SGCD: variants seen among roughly 807,000 people sequenced by gnomAD.
The protein encoded by SGCD is delta-sarcoglycan.
A neutral mutation model predicts 36.6 loss-of-function variants in SGCD; 18 were observed. The observed-to-expected ratio is 0.49, with a 90% CI of 0.34 to 0.73. The LOEUF is 0.73. SGCD is among the 30% of genes least tolerant of loss of function. SGCD has a pLI of 0.01. For synonymous variants in SGCD, 133 were observed against 130.6 expected, an observed-to-expected ratio of 1.02 and a Z score of -0.12; for missense variants, 387 against 346.7, an observed-to-expected ratio of 1.12 and a Z score of -0.92.
intron 3 of SGCD, among the ~76,000 whole-genome samples, chr5:156,480,294 T>G (rs1173852114): frequency 6.6e-6 from 1 of 152,248 alleles, no homozygotes. Context: ...TCCATTCATC[T>G]GAAGTTCCCT....
intron 3 of SGCD, among the ~76,000 whole-genome samples, chr5:156,449,677 C>CAAAAAAAAAAAAAAAAAAAA (rs397883573): frequency 2.2e-5 from 1 of 46,056 alleles, no homozygotes; most frequent in Non-Finnish European, 3.9e-5. Flanking sequence ...ACTAAAAATA[C>CAAAAAAAAAAAAAAAAAAAA]AAAAAAAAAA....
chr5:156,334,301 T>C (rs1317634105), intron 2 of SGCD, among the ~76,000 whole-genome samples: 1 of 152,206 alleles, frequency 6.6e-6, no homozygotes, highest in South Asian at 2.1e-4. Flanking sequence ...AAGCTAACCA[T>C]AGAAGTGGCC....
At chr5:155,864,764 G>A in the SGCD span, among the ~76,000 whole-genome samples, 4 of 152,250 alleles carry the variant, frequency 2.6e-5, no homozygotes, top group South Asian at 2.1e-4. Flanking sequence ...GCATGTGTGC[G>A]TACACATTCT....
intron 1 of SGCD, among the ~76,000 whole-genome samples, chr5:155,901,011 G>C (rs1561643694): frequency 6.6e-6 from 1 of 151,998 alleles, no homozygotes; most frequent in Non-Finnish European, 1.5e-5. Flanking sequence ...TTCAAAAGTT[G>C]ATGTAAGATT....
At chr5:156,412,925 A>G (rs991125469) in intron 3 of SGCD, among the ~76,000 whole-genome samples, 3 of 151,410 alleles carry the variant, frequency 2.0e-5, no homozygotes, top group African/African-American at 4.9e-5. Context: ...CCTCCTGAGT[A>G]GCTGGGACTA....
chr5:156,531,166 T>G (rs141280012), intron 4 of SGCD, among the ~76,000 whole-genome samples: 338 of 152,282 alleles, frequency 2.2e-3, no homozygotes, highest in African/African-American at 8.0e-3. Flanking sequence ...TGTCTCCTCT[T>G]CTGCCATGTG....
intron 4 of SGCD, among the ~76,000 whole-genome samples, chr5:156,541,257 C>T (rs1273310532): frequency 6.6e-6 from 1 of 152,100 alleles, no homozygotes; most frequent in Non-Finnish European, 1.5e-5. Flanking sequence ...GGGTTTTGCC[C>T]TAAGTCAGCT....
At chr5:155,949,771 A>G (rs1054279785) in intron 1 of SGCD, among the ~76,000 whole-genome samples, 2 of 152,142 alleles carry the variant, frequency 1.3e-5, no homozygotes, top group African/African-American at 4.8e-5. Flanking sequence ...AGTAGTTGTG[A>G]CAGAAATCAC....
intron 1 of SGCD, among the ~76,000 whole-genome samples, chr5:155,926,045 G>C (rs186127588): frequency 2.7e-3 from 412 of 152,140 alleles, no homozygotes; most frequent in African/African-American, 6.7e-3. Flanking sequence ...TTATAAAAGC[G>C]AGCCACTGTG....
At chr5:156,160,475 A>G (rs969702673) in intron 3 of SGCD, among the ~76,000 whole-genome samples, 1 of 151,698 alleles carries the variant, frequency 6.6e-6, no homozygotes, top group African/African-American at 2.4e-5. Context: ...AGATGCGTCC[A>G]GAATCATATA....
intron 4 of SGCD, among the ~76,000 whole-genome samples, chr5:156,573,807 A>T (rs1436229746): frequency 6.6e-6 from 1 of 151,664 alleles, no homozygotes; most frequent in African/African-American, 2.4e-5. Flanking sequence ...GATCCTCTCA[A>T]CTCTGCCTCC....
chr5:156,373,148 C>T (rs17053497), intron 3 of SGCD, among the ~76,000 whole-genome samples: 5,208 of 152,156 alleles, frequency 0.034, 233 homozygotes, highest in African/African-American at 0.097. Flanking sequence ...CATTTGTGCT[C>T]GTGTTAGCAT....
chr5:156,608,509 A>G (rs559651199), intron 6 of SGCD, among the ~76,000 whole-genome samples: 7 of 152,334 alleles, frequency 4.6e-5, no homozygotes, highest in African/African-American at 1.7e-4. Context: ...TCTGAGAAGA[A>G]TGTATATTCT....
intron 4 of SGCD, among the ~76,000 whole-genome samples, chr5:156,514,899 G>A (rs2127885591): frequency 6.6e-6 from 1 of 152,238 alleles, no homozygotes; most frequent in Non-Finnish European, 1.5e-5. Flanking sequence ...TACAGAACTT[G>A]ACATAAAGTG....
chr5:156,495,797 T>G (rs1756159121), intron 3 of SGCD, among the ~76,000 whole-genome samples: 1 of 152,220 alleles, frequency 6.6e-6, no homozygotes, highest in South Asian at 2.1e-4. Flanking sequence ...GCTCACATTT[T>G]TCATCTAGGA....
intron 7 of SGCD, among the ~76,000 whole-genome samples, chr5:156,730,293 TG>T (rs1423760329): frequency 6.6e-6 from 1 of 152,162 alleles, no homozygotes; most frequent in Non-Finnish European, 1.5e-5. Flanking sequence ...ACTTGTGACA[TG>T]GGTGTTTGTT....
At chr5:156,263,270 A>G (rs761897567) in intron 3 of SGCD, among the ~76,000 whole-genome samples, 2 of 151,734 alleles carry the variant, frequency 1.3e-5, no homozygotes, top group African/African-American at 4.8e-5. Flanking sequence ...GCCAGCAACT[A>G]TTATGTTCTG....
intron 6 of SGCD, among the ~76,000 whole-genome samples, chr5:156,613,723 T>C (rs1245917938): frequency 6.6e-6 from 1 of 152,246 alleles, no homozygotes. Context: ...AGGTGATTCC[T>C]ATGCGAACCA....
intron 3 of SGCD, among the ~76,000 whole-genome samples, chr5:156,354,380 G>A (rs1291262421): frequency 1.3e-5 from 2 of 152,042 alleles, no homozygotes; most frequent in Non-Finnish European, 2.9e-5. Context: ...GGGGAAAGAG[G>A]GGATGGGGAA....
Sources: gnomAD v4.1 joint callset for allele counts (sites outside exome capture counted in the v4.1 genomes callset) on GRCh38, gnomAD v4.1.1 for gene constraint, MANE v1.5 for transcripts, NCBI Gene and HGNC (gene_info 2026-07-23, HGNC 2026-07-21) for gene names.